MMADHC: variants seen among roughly 807,000 people sequenced by gnomAD.
The protein encoded by MMADHC is cobalamin trafficking protein CblD.
A neutral mutation model predicts 36.3 loss-of-function variants in MMADHC; 23 were observed. The ratio of observed to expected loss-of-function variants is 0.63; its 90% CI spans 0.46 to 0.90. MMADHC has a LOEUF of 0.90. MMADHC is among the 40% of genes least tolerant of loss of function. MMADHC has a pLI of 0.00. For synonymous variants in MMADHC, 97 were observed against 116.1 expected (o/e 0.84, Z 1.06); for missense variants, 330 against 348.0 (o/e 0.95, Z 0.41).
chr2:149,578,257 T>G (rs1363399230), intron 4 of MMADHC, among the ~76,000 whole-genome samples: 7 of 152,172 alleles, frequency 4.6e-5, no homozygotes, highest in African/African-American at 1.2e-4. Flanking sequence ...ACTTGAGAGA[T>G]AAAAGCGATG....
intron 2 of MMADHC, among the ~76,000 whole-genome samples, chr2:149,584,186 G>C (rs1558849521): frequency 6.6e-6 from 1 of 152,038 alleles, no homozygotes; most frequent in Non-Finnish European, 1.5e-5. Flanking sequence ...AATGCCTCAG[G>C]ATCTAAAGGA....
rs1682762069 is a variant in MMADHC, at chr2:149,579,388, A to T, written c.372+43T>A. The T allele has an allele frequency of 2.0e-6, 3 of 1,530,704 alleles. No individual in the cohort carries two copies. The East Asian group carries it at 6.7e-5, about 34-fold the overall frequency. The allele number at this position is 1,530,704 out of a possible 1,614,324, so 94.8% of individuals were successfully genotyped here. On this transcript the variant is annotated intron_variant, in intron 4 of 7. Transcript: ENST00000303319. ...GCTTATAATAATCAAGTCATATAGC[A>T]TTAATAATCAGGAAAGCACAATAAA...
At chr2:149,576,668 G>A (rs1573877267) in intron 4 of MMADHC, 126 bp from the exon 5 acceptor site, 1 of 689,212 alleles carries the variant, frequency 1.5e-6, no homozygotes, top group Non-Finnish European at 2.6e-6. Context: ...TAATCTAACT[G>A]GGAGGTGAGG....
intron 4 of MMADHC, 31 bp downstream of exon 4, chr2:149,579,400 G>A (rs762803151): frequency 3.6e-5 from 56 of 1,569,620 alleles, no homozygotes; most frequent in Non-Finnish European, 4.8e-5. Context: ...TAATAATCAG[G>A]AAAGCACAAT....
At position 149,586,501 on chromosome 2, in the gene MMADHC, A is replaced by G. The variant is rs1682870157; in HGVS notation, c.9+588T>C. Among the ~76,000 whole-genome samples the G allele has an allele frequency of 2.0e-5, 3 of 152,186 alleles. No individual in the cohort carries two copies. In the South Asian group the frequency reaches 6.2e-4, roughly 31 times the overall value. On this transcript the variant is annotated intron_variant, in intron 2 of 7. Transcript: ENST00000303319. Reference sequence around the variant, plus strand: ...TGATCCCAAACTCCTCTCCACAAAGACTTGAATCTGCATTGCACCTTCGTG... The same window carrying G: ...TGATCCCAAACTCCTCTCCACAAAGGCTTGAATCTGCATTGCACCTTCGTG...
chr2:149,584,313 GT>G, intron 2 of MMADHC, among the ~76,000 whole-genome samples: 1 of 152,158 alleles, frequency 6.6e-6, no homozygotes, highest in Non-Finnish European at 1.5e-5. Flanking sequence ...AATAATCAAT[GT>G]TGGACACTAT....
At position 149,569,997 on chromosome 2, in the gene MMADHC, T is replaced by A; in HGVS notation, c.868A>T (p.Met290Leu). 1 of 1,613,586 alleles carries A rather than the reference T, an allele frequency of 6.2e-7. No homozygotes were observed. Among genetic ancestry groups the A allele is most frequent in the Non-Finnish European group, 8.5e-7 (1 of 1,179,578 alleles). Residue 290 changes from methionine (M) to leucine (L), a missense_variant, in exon 8 of 8, where the codon ATG (methionine) becomes TTG (leucine). Physicochemically the swap from Met to Leu is conservative, Grantham distance 15 (BLOSUM62 2). Transcript: ENST00000303319. ...TGCTAATTTCCACTTAATTTCTTCA[T>A]AATATGGCTGTCTGGTGTTGCATTA... ...FTNATPDSHIMKKLSGN is the reference protein window; with the variant it reads ...FTNATPDSHILKKLSGN
chr2:149,572,888 C>T (rs1682664549), intron 6 of MMADHC, among the ~76,000 whole-genome samples: 1 of 152,046 alleles, frequency 6.6e-6, no homozygotes. Context: ...TCCAGAAGTC[C>T]AAGCCTTACA....
Position 149,576,169 on chromosome 2 carries a change from ACT to A in MMADHC, c.478+266_478+267del, listed in dbSNP as rs111697857. Among the ~76,000 whole-genome samples the A allele has an allele frequency of 0.015, 2,303 of 152,234 alleles. 58 individuals carry two copies. Among genetic ancestry groups the A allele is most frequent in the African/African-American group, 0.052 (2,170 of 41,526 alleles). ...TATTATATTAACTCATAAAATTATA[ACT>A]CTAATAATCACCCAGGAGTAAAAAT... is the stretch of plus-strand genomic sequence containing the variant. On this transcript the variant is annotated intron_variant, in intron 5 of 7. Transcript: ENST00000303319.
At chr2:149,577,581 C>A (rs540143537) in intron 4 of MMADHC, among the ~76,000 whole-genome samples, 1 of 152,116 alleles carries the variant, frequency 6.6e-6, no homozygotes, top group African/African-American at 2.4e-5. Context: ...CGTTGGGAGG[C>A]TGAGGCACGA....
chr2:149,576,326 T>C, intron 5 of MMADHC, 111 bp downstream of exon 5: 1 of 785,342 alleles, frequency 1.3e-6, no homozygotes, highest in Non-Finnish European at 2.2e-6. Context: ...TCCAGCCAGA[T>C]ACGGTAAAAT....
At chr2:149,577,892 C>T (rs771350356) in intron 4 of MMADHC, among the ~76,000 whole-genome samples, 38 of 152,072 alleles carry the variant, frequency 2.5e-4, no homozygotes, top group Non-Finnish European at 4.4e-4. Flanking sequence ...GTGGTGCACG[C>T]CTGTAATCTC....
chr2:149,580,294 A>C (rs774556644), intron 3 of MMADHC, among the ~76,000 whole-genome samples: 13 of 152,174 alleles, frequency 8.5e-5, no homozygotes, highest in Non-Finnish European at 1.9e-4. Context: ...ATCTAAAATG[A>C]AACTTAGTAA....
chr2:149,574,966 A>AT (rs892644661), intron 6 of MMADHC, among the ~76,000 whole-genome samples: 22 of 151,646 alleles, frequency 1.5e-4, no homozygotes, highest in African/African-American at 3.9e-4. Context: ...AACCTGGATA[A>AT]TTTTTTTTGT....
Position 149,576,537 on chromosome 2 carries a change from A to G in MMADHC, c.378T>C (p.Asn126=). ...MAQYVNEFQG[N]DAPVEQEINS... Reference sequence around the variant, plus strand: ...TAATTTCTTGTTCAACAGGTGCATCATTACCCTAAGGGGAACAAGGATATA... The same window carrying G: ...TAATTTCTTGTTCAACAGGTGCATCGTTACCCTAAGGGGAACAAGGATATA... The change falls in exon 5 of 8, where the codon AAT becomes AAC. Residue 126 remains asparagine (N), a synonymous_variant. Transcript: ENST00000303319. 1.2e-6 allele frequency: 2 copies of G among 1,608,702 alleles called. No homozygotes were observed. Among genetic ancestry groups the G allele is most frequent in the Non-Finnish European group, 1.7e-6 (2 of 1,175,156 alleles).
At chr2:149,584,780 G>A (rs1682841559) in intron 2 of MMADHC, among the ~76,000 whole-genome samples, 1 of 152,114 alleles carries the variant, frequency 6.6e-6, no homozygotes, top group African/African-American at 2.4e-5. Flanking sequence ...TGGGTGCAGT[G>A]GCTCATGCCT....
chr2:149,582,935 C>T lies in MMADHC; in HGVS notation c.10-664G>A, dbSNP rs536351403. ...GTACTTGGGTCAGAACAATTTAATG[C>T]AGGGATTGGCGAACGATTTCCCAAT... On this transcript the variant is annotated intron_variant, in intron 2 of 7. Transcript: ENST00000303319. 2.6e-5 allele frequency among the ~76,000 whole-genome samples: 4 copies of T among 152,226 alleles called. No individual in the cohort carries two copies. In the South Asian group the frequency reaches 8.3e-4, roughly 32 times the overall value.
chr2:149,584,792 T>C (rs1051567019), intron 2 of MMADHC, among the ~76,000 whole-genome samples: 7 of 152,176 alleles, frequency 4.6e-5, no homozygotes, highest in Non-Finnish European at 4.4e-5. Context: ...CTCATGCCTG[T>C]AATCCCAGCA....
chr2:149,571,105 C>G lies in MMADHC; in HGVS notation c.676G>C (p.Asp226His). 1 of 1,612,220 alleles carries G rather than the reference C, an allele frequency of 6.2e-7. No homozygotes were observed. The highest frequency in any genetic ancestry group is 8.5e-7 in the Non-Finnish European group (1 of 1,178,636). The change falls in exon 7 of 8, where the codon GAC becomes CAC. Residue 226 changes from aspartate (D) to histidine (H), a missense_variant. Transcript: ENST00000303319. ...CTCACTGCCAAACCAGATGATGGGT[C>G]AATAAAGTCAGCCCAATAACCCTCA... ...RAEGYWADFI[D>H]PSSGLAFFGP...
Sources: allele counts gnomAD v4.1 joint callset (sites outside exome capture counted in the v4.1 genomes callset), GRCh38; gene constraint gnomAD v4.1.1; transcripts MANE v1.5; gene names NCBI Gene and HGNC (gene_info 2026-07-23, HGNC 2026-07-21).